CNTN1: variants seen among roughly 807,000 people sequenced by gnomAD.
CNTN1 encodes the protein contactin-1.
Under a neutral mutation model 126.4 loss-of-function variants are expected in CNTN1, and 38 were observed. That is an observed-to-expected ratio of 0.30 (90% CI 0.23 to 0.39). CNTN1 has a LOEUF of 0.39. Among genes scored for constraint, CNTN1 ranks in the 10% least tolerant of loss-of-function variants. The pLI, the probability that CNTN1 is intolerant of heterozygous loss-of-function variation, is 1.00. For missense variants in CNTN1, 1,009 were observed against 1,248.4 expected (o/e 0.81, Z 2.89); for synonymous variants, 413 against 422.6 (o/e 0.98, Z 0.28).
chr12:40,960,436 C>A (rs1947065438), intron 15 of CNTN1, among the ~76,000 whole-genome samples: 1 of 151,860 alleles, frequency 6.6e-6, no homozygotes, highest in Non-Finnish European at 1.5e-5. Flanking sequence ...ATTCTCCTTC[C>A]ACATCTGGGT....
chr12:40,737,735 T>G (rs530908422), intron 1 of CNTN1, among the ~76,000 whole-genome samples: 39 of 152,134 alleles, frequency 2.6e-4, no homozygotes, highest in African/African-American at 8.9e-4. Flanking sequence ...TCCAATCAAG[T>G]TGACACTCAG....
In CNTN1 at chr12:40,860,741, C is replaced by T. The variant is rs541624759; in HGVS notation, c.-76-47616C>T. 9.2e-5 allele frequency among the ~76,000 whole-genome samples: 14 copies of T among 152,164 alleles called. No homozygotes were observed. In the South Asian group the frequency reaches 2.3e-3, roughly 25 times the overall value. ...CACTCTCCCAGTAACTCCATGTGTT[C>T]GCCAACATGGAAGCTCTGCAAACCC... On this transcript the variant is annotated intron_variant, in intron 1 of 23. Transcript: ENST00000551295.
chr12:41,052,412 G>T (rs1257964928), intron 23 of CNTN1, among the ~76,000 whole-genome samples: 1 of 152,074 alleles, frequency 6.6e-6, no homozygotes, highest in Non-Finnish European at 1.5e-5. Flanking sequence ...ATATGCAGTG[G>T]CTTTAAAAAG....
At chr12:40,844,558 C>A (rs560721612) in intron 1 of CNTN1, among the ~76,000 whole-genome samples, 72 of 152,170 alleles carry the variant, frequency 4.7e-4, no homozygotes, top group African/African-American at 1.6e-3. Context: ...TTTTGGTAAT[C>A]TAAGAGTGAT....
At chr12:40,886,585 G>C (rs1043322091) in intron 1 of CNTN1, among the ~76,000 whole-genome samples, 2 of 152,094 alleles carry the variant, frequency 1.3e-5, no homozygotes, top group African/African-American at 4.8e-5. Context: ...GATCCCATTT[G>C]TCAATTTTGG....
At chr12:40,784,672 A>C (rs913618628) in intron 1 of CNTN1, among the ~76,000 whole-genome samples, 1 of 152,112 alleles carries the variant, frequency 6.6e-6, no homozygotes, top group Non-Finnish European at 1.5e-5. Flanking sequence ...ACTGATAGAA[A>C]AGCTCCCCAG....
intron 1 of CNTN1, among the ~76,000 whole-genome samples, chr12:40,734,202 G>A (rs941533945): frequency 6.6e-6 from 1 of 152,044 alleles, no homozygotes; most frequent in East Asian, 1.9e-4. Flanking sequence ...CCACTAAAAG[G>A]CAGAGAGAGC....
chr12:40,849,227 T>A (rs1415718915), intron 1 of CNTN1, among the ~76,000 whole-genome samples: 1 of 152,140 alleles, frequency 6.6e-6, no homozygotes, highest in African/African-American at 2.4e-5. Flanking sequence ...CCTGAACTGC[T>A]TATAATCTTT....
At chr12:40,796,390 C>T (rs900624339) in intron 1 of CNTN1, among the ~76,000 whole-genome samples, 2 of 152,026 alleles carry the variant, frequency 1.3e-5, no homozygotes, top group Non-Finnish European at 1.5e-5. Flanking sequence ...ACATCAGCCT[C>T]ACCACTACCC....
chr12:40,924,516 A>C, intron 5 of CNTN1, 41 bp from the exon 6 acceptor site: 1 of 1,026,282 alleles, frequency 9.7e-7, no homozygotes, highest in Non-Finnish European at 1.5e-6. Context: ...CTTTCTATTG[A>C]CCAGAGAGTG....
rs1946346879 is a variant in CNTN1, at chr12:40,943,904, A to G, written c.1508-91A>G. ...TGAAAACATCTTATTATTTTGCACA[A>G]ATAAAAATATATTGGTTATTATTTT... On this transcript the variant is annotated intron_variant, in intron 13 of 23. Coordinates refer to ENST00000551295, the MANE Select transcript of CNTN1 (RefSeq NM_001843.4). The G allele has an allele frequency of 5.0e-6, 7 of 1,409,066 alleles. No individual in the cohort carries two copies. The East Asian group carries it at 1.8e-4, about 35-fold the overall frequency. The allele number at this position is 1,409,066 out of a possible 1,614,324, so 87.3% of individuals were successfully genotyped here.
At chr12:40,760,570 T>C (rs1480826632) in intron 1 of CNTN1, among the ~76,000 whole-genome samples, 1 of 152,180 alleles carries the variant, frequency 6.6e-6, no homozygotes, top group East Asian at 1.9e-4. Context: ...GTTCGCAGTG[T>C]GGCTATACCA....
intron 1 of CNTN1, among the ~76,000 whole-genome samples, chr12:40,706,295 C>A (rs10784800): frequency 0.61 from 85,130 of 139,054 alleles, 26,564 homozygotes; most frequent in East Asian, 0.84. Flanking sequence ...AGAGAGAAAT[C>A]TTTGCCTGTG....
intron 19 of CNTN1, among the ~76,000 whole-genome samples, chr12:41,018,748 G>A (rs1948840355): frequency 6.6e-6 from 1 of 151,638 alleles, no homozygotes; most frequent in South Asian, 2.1e-4. Flanking sequence ...TTTTAAGTTA[G>A]CACAACCAAA....
rs988646672 is a variant in CNTN1, at chr12:40,925,570, C to T, written c.496+918C>T. Among the ~76,000 whole-genome samples the T allele has an allele frequency of 1.1e-4, 14 of 122,430 alleles. No individual in the cohort carries two copies. The South Asian group carries it at 1.5e-3, about 14-fold the overall frequency. 80.3% of individuals were successfully genotyped at this position (122,430 alleles called of 152,430 possible). A position where few individuals can be genotyped will look rare whatever the true frequency, so the allele number is the denominator to read the frequency against. The stretch of plus-strand genomic sequence containing the variant: ...GTGTATATATATACACGTATATATA[C>T]GTATATACGTATATATACATGTATA... On this transcript the variant is annotated intron_variant, in intron 6 of 23. Coordinates refer to ENST00000551295, the MANE Select transcript of CNTN1 (RefSeq NM_001843.4).
chr12:40,781,542 C>A (rs1398609271), intron 1 of CNTN1, among the ~76,000 whole-genome samples: 3 of 151,874 alleles, frequency 2.0e-5, no homozygotes, highest in Non-Finnish European at 4.4e-5. Flanking sequence ...AAATGTGGTA[C>A]AAATTTTGTT....
chr12:40,915,112 A>G (rs1592249780), intron 3 of CNTN1, among the ~76,000 whole-genome samples: 1 of 152,260 alleles, frequency 6.6e-6, no homozygotes, highest in East Asian at 1.9e-4. Flanking sequence ...TCTCAAAAGC[A>G]TAATATACCT....
At chr12:40,733,971 G>A (rs955269995) in intron 1 of CNTN1, among the ~76,000 whole-genome samples, 20 of 151,972 alleles carry the variant, frequency 1.3e-4, no homozygotes, top group African/African-American at 4.6e-4. Context: ...CTCTGTTCCT[G>A]GGTTTTCCCT....
At chr12:40,800,923 G>C (rs935552632) in intron 1 of CNTN1, among the ~76,000 whole-genome samples, 2 of 151,764 alleles carry the variant, frequency 1.3e-5, no homozygotes, top group Admixed American at 1.3e-4. Context: ...GTAGGATTGT[G>C]GAGATAAGAA....
Sources: gnomAD v4.1 joint callset for allele counts (sites outside exome capture counted in the v4.1 genomes callset) on GRCh38, gnomAD v4.1.1 for gene constraint, MANE v1.5 for transcripts, NCBI Gene and HGNC (gene_info 2026-07-23, HGNC 2026-07-21) for gene names.